CSGALNACT2: variants seen among roughly 807,000 people sequenced by gnomAD.
CSGALNACT2 encodes the protein chondroitin sulfate N-acetylgalactosaminyltransferase 2.
Under a neutral mutation model 55.3 loss-of-function variants are expected in CSGALNACT2, and 35 were observed. That is an observed-to-expected ratio of 0.63 (90% confidence interval 0.48 to 0.84). CSGALNACT2 has a LOEUF of 0.84. CSGALNACT2 is among the 40% of genes least tolerant of loss of function. The pLI is 0.00. For missense variants in CSGALNACT2, 544 were observed against 657.5 expected (o/e 0.83, Z 1.89); for synonymous variants, 196 against 224.9 (o/e 0.87, Z 1.15).
intron 6 of CSGALNACT2, among the ~76,000 whole-genome samples, chr10:43,170,822 G>A (rs1366618289): frequency 6.6e-6 from 1 of 152,212 alleles, no homozygotes; most frequent in Non-Finnish European, 1.5e-5. Flanking sequence ...GGACACTTTA[G>A]CTCACAGTCC....
rs527975665 is a variant in CSGALNACT2, at chr10:43,147,475, A to C, written c.-253-7422A>C. Among the ~76,000 whole-genome samples, 88 of 152,362 alleles carry C rather than the reference A, an allele frequency of 5.8e-4. 1 individual carries two copies. The highest frequency in any genetic ancestry group is 1.1e-3 in the Non-Finnish European group (73 of 68,038). ...CTCTTAACAATGTCTTTGAAAGAGC[A>C]CAGATTGCTAATTTTGATGAAATTC... On this transcript the variant is annotated intron_variant, in intron 1 of 7. Coordinates refer to ENST00000374466, the MANE Select transcript of CSGALNACT2 (RefSeq NM_018590.5).
rs1012558035 is a variant in CSGALNACT2 at position 43,184,747 on chromosome 10, A to G, written c.*1205A>G. On this transcript the variant is annotated 3_prime_UTR_variant, in exon 8 of 8. Coordinates refer to ENST00000374466, the MANE Select transcript of CSGALNACT2 (RefSeq NM_018590.5). ...TTATATTCAGATAGGACTGCACTACATTATTTGTCACACATGGATCTGTTA... is the reference window on the plus strand; with the variant it reads ...TTATATTCAGATAGGACTGCACTACGTTATTTGTCACACATGGATCTGTTA... The G allele has an allele frequency of 5.3e-5, 8 of 152,312 alleles. No individual in the cohort carries two copies. Among genetic ancestry groups the G allele is most frequent in the South Asian group, 2.1e-4 (1 of 4,832 alleles). The allele number at this position is 152,312 out of a possible 1,614,324, so 9.4% of individuals were successfully genotyped here.
At chr10:43,156,185 CCAT>C (rs1839004611) in intron 2 of CSGALNACT2, among the ~76,000 whole-genome samples, 2 of 152,052 alleles carry the variant, frequency 1.3e-5, no homozygotes, top group Admixed American at 1.3e-4. Context: ...AACTTGAAAA[CCAT>C]TTGATAAAGG....
chr10:43,162,290 C>T (rs1294004911), intron 4 of CSGALNACT2: 1 of 616,572 alleles, frequency 1.6e-6, no homozygotes, highest in African/African-American at 1.9e-5. Flanking sequence ...AAAGAGCTTT[C>T]TCCCAGCTCC....
At chr10:43,139,634 A>G (rs78551721) in intron 1 of CSGALNACT2, among the ~76,000 whole-genome samples, 6,672 of 152,098 alleles carry the variant, frequency 0.044, 179 homozygotes, top group South Asian at 0.089. Context: ...CCATCATCCT[A>G]TTTTCCTGTG....
intron 4 of CSGALNACT2, chr10:43,162,527 G>A: frequency 3.0e-6 from 3 of 985,448 alleles, no homozygotes; most frequent in African/African-American, 1.7e-5. Flanking sequence ...ACAGAGGAGA[G>A]ATTTATATTC....
chr10:43,149,480 T>C (rs1169488067), intron 1 of CSGALNACT2, among the ~76,000 whole-genome samples: 2 of 152,234 alleles, frequency 1.3e-5, no homozygotes, highest in African/African-American at 4.8e-5. Flanking sequence ...TTGTCTTCTA[T>C]TGATATGGTA....
chr10:43,164,114 AT>A, intron 5 of CSGALNACT2, 70 bp downstream of exon 5: 1 of 1,297,860 alleles, frequency 7.7e-7, no homozygotes, highest in East Asian at 2.5e-5. Context: ...TATAGTTTGA[AT>A]CAAGTGATTT....
intron 4 of CSGALNACT2, chr10:43,162,857 G>A: frequency 1.0e-6 from 1 of 978,638 alleles, no homozygotes; most frequent in Non-Finnish European, 1.2e-6. Flanking sequence ...GTGGGTTTGG[G>A]GGCCTCACTG....
At chr10:43,176,210 GA>G (rs1234657934) in intron 7 of CSGALNACT2, among the ~76,000 whole-genome samples, 178 bp downstream of exon 7, 3 of 151,696 alleles carry the variant, frequency 2.0e-5, no homozygotes, top group African/African-American at 4.8e-5. Flanking sequence ...TTTTGAATAG[GA>G]AAAAAATGGT....
chr10:43,147,528 A>G (rs954123369), intron 1 of CSGALNACT2, among the ~76,000 whole-genome samples: 1 of 152,186 alleles, frequency 6.6e-6, no homozygotes, highest in Non-Finnish European at 1.5e-5. Context: ...ATTGAATATC[A>G]TATCTAAGAA....
At chr10:43,158,521 G>A (rs1306543383) in intron 2 of CSGALNACT2, among the ~76,000 whole-genome samples, 194 bp from the exon 3 acceptor site, 1 of 152,088 alleles carries the variant, frequency 6.6e-6, no homozygotes, top group African/African-American at 2.4e-5. Flanking sequence ...ACAGAACAGT[G>A]AACTTTTTTT....
At chr10:43,143,636 A>G (rs1838681327) in intron 1 of CSGALNACT2, among the ~76,000 whole-genome samples, 1 of 152,134 alleles carries the variant, frequency 6.6e-6, no homozygotes, top group Non-Finnish European at 1.5e-5. Flanking sequence ...GTGAAGTGTT[A>G]TGCCCAAGAT....
chr10:43,163,047 A>G lies in CSGALNACT2; in HGVS notation c.981-819A>G, dbSNP rs1261704784. 8 of 984,998 alleles carry G rather than the reference A, an allele frequency of 8.1e-6. No individual in the cohort carries two copies. The South Asian group carries it at 2.3e-4, about 29-fold the overall frequency. 61.0% of individuals were successfully genotyped at this position (984,998 alleles called of 1,614,324 possible). On this transcript the variant is annotated intron_variant, in intron 4 of 7. Transcript: ENST00000374466. The stretch of plus-strand genomic sequence containing the variant: ...CCCATTTTAGGGTCCTTTTCTACCA[A>G]TCTGATTTGTCTGATCCCTTTTCTC...
At chr10:43,166,912 A>C in intron 5 of CSGALNACT2, 92 bp from the exon 6 acceptor site, 1 of 674,430 alleles carries the variant, frequency 1.5e-6, no homozygotes. Flanking sequence ...ATCATGTATA[A>C]TAAGACTTTG....
intron 1 of CSGALNACT2, among the ~76,000 whole-genome samples, chr10:43,139,999 G>A (rs1838583430): frequency 6.6e-6 from 1 of 152,136 alleles, no homozygotes; most frequent in Non-Finnish European, 1.5e-5. Context: ...TTCGAGACCA[G>A]CCTGGCAAAC....
chr10:43,157,151 T>C (rs1342015676), intron 2 of CSGALNACT2, among the ~76,000 whole-genome samples: 1 of 152,242 alleles, frequency 6.6e-6, no homozygotes, highest in Non-Finnish European at 1.5e-5. Context: ...CAGCTTTTTG[T>C]CTTCTCACTG....
intron 1 of CSGALNACT2, among the ~76,000 whole-genome samples, chr10:43,140,439 CTATTA>C (rs1257681873): frequency 2.0e-5 from 3 of 152,110 alleles, no homozygotes; most frequent in Non-Finnish European, 4.4e-5. Context: ...AAAAGCATAA[CTATTA>C]TGAGTTCAAG....
chr10:43,162,800 G>A, intron 4 of CSGALNACT2: 2 of 912,784 alleles, frequency 2.2e-6, no homozygotes, highest in Non-Finnish European at 2.6e-6. Flanking sequence ...TCTGGCTGTA[G>A]TCTGAGAGTT....
Sources: allele counts gnomAD v4.1 joint callset (sites outside exome capture counted in the v4.1 genomes callset), GRCh38; gene constraint gnomAD v4.1.1; transcripts MANE v1.5; gene names NCBI Gene and HGNC (gene_info 2026-07-23, HGNC 2026-07-21).